Variants in LSM14A observed in about 807,000 individuals in gnomAD.
LSM14A encodes the protein protein LSM14 homolog A.
In LSM14A, 14 loss-of-function variants were observed where a neutral mutation model predicts 52.4. That is an observed-to-expected ratio of 0.27 (90% CI 0.18 to 0.42). The LOEUF (loss-of-function observed/expected upper bound fraction) is 0.42, where lower values mean the gene tolerates loss of function less well. LSM14A is among the 10% of genes least tolerant of loss of function. LSM14A has a pLI of 1.00. For missense variants in LSM14A, 417 were observed against 581.8 expected (o/e 0.72, Z 2.91); for synonymous variants, 185 against 200.3 (o/e 0.92, Z 0.64).
chr19:34,214,251 G>A (rs899423899), intron 4 of LSM14A, among the ~76,000 whole-genome samples: 1 of 151,750 alleles, frequency 6.6e-6, no homozygotes, highest in African/African-American at 2.4e-5. Flanking sequence ...AGCCCCTAAA[G>A]CATTAAAGAA....
chr19:34,205,575 G>A (rs986087856), intron 3 of LSM14A, among the ~76,000 whole-genome samples: 4 of 151,642 alleles, frequency 2.6e-5, no homozygotes. Context: ...CTAACTGCTT[G>A]GGAGGCTGAA....
At position 34,208,952 on chromosome 19, in the gene LSM14A, G is replaced by A. The variant is rs2071919015; in HGVS notation, c.439G>A (p.Gly147Arg). The A allele has an allele frequency of 6.2e-7, 1 of 1,605,990 alleles. No homozygotes were observed. Among genetic ancestry groups the A allele is most frequent in the Non-Finnish European group, 8.5e-7 (1 of 1,175,872 alleles). Residue 147 changes from glycine (G) to arginine (R), a missense_variant, in exon 4 of 10, where the codon GGA (glycine) becomes AGA (arginine). Physicochemically the swap from Gly to Arg is moderately radical, Grantham distance 125. Coordinates refer to ENST00000544216, the MANE Select transcript of LSM14A (RefSeq NM_015578.4). ...GVAGSSLTSF[G>R]TETSNSGTLP... is the part of the protein sequence containing the mutation. ...AGCTGGAAGCTCTTTGACATCCTTT[G>A]GAACAGAAACATCAAACAGTGGTAC...
rs1442325003 is a variant in LSM14A at position 34,194,624 on chromosome 19, G to A, written c.268G>A (p.Asp90Asn). ...PPKPQCSLPQ[D>N]PAIVQSSLGS... ...AAAACCACAGTGTTCTTTGCCTCAA[G>A]ACCCAGCTATTGTTCAGGTAACTGA... is the stretch of plus-strand genomic sequence containing the variant. The change falls in exon 2 of 10, where the codon GAC (aspartate) becomes AAC (asparagine). Residue 90 changes from aspartate to asparagine, a missense_variant. Asp to Asn is a conservative substitution (Grantham distance 23). Coordinates refer to ENST00000544216, the MANE Select transcript of LSM14A (RefSeq NM_015578.4). The A allele has an allele frequency of 6.2e-7, 1 of 1,614,042 alleles. No homozygotes were observed. The highest frequency in any genetic ancestry group is 1.3e-5 in the African/African-American group (1 of 74,922).
At chr19:34,199,525 G>A (rs191935735) in intron 3 of LSM14A, among the ~76,000 whole-genome samples, 390 of 152,246 alleles carry the variant, frequency 2.6e-3, no homozygotes, top group South Asian at 7.5e-3. Flanking sequence ...CCATGGAGAC[G>A]GAAGATATAA....
chr19:34,221,032 A>G (rs1356865957), intron 8 of LSM14A, among the ~76,000 whole-genome samples: 5 of 151,594 alleles, frequency 3.3e-5, no homozygotes, highest in Non-Finnish European at 7.4e-5. Context: ...TTACAGGAAC[A>G]TATTGAACTC....
In LSM14A at chr19:34,219,814, G is replaced by C. The variant is rs2072930304; in HGVS notation, c.1073G>C (p.Gly358Ala). The C allele has an allele frequency of 6.2e-7, 1 of 1,613,638 alleles. No homozygotes were observed. Among genetic ancestry groups the C allele is most frequent in the African/African-American group, 1.3e-5 (1 of 75,026 alleles). Residue 358 changes from glycine (G) to alanine (A), a missense_variant, in exon 8 of 10, where the codon GGA (glycine) becomes GCA (alanine). Physicochemically the swap from Gly to Ala is moderately conservative, Grantham distance 60. Transcript: ENST00000544216. ...AATGCCGATGAAGAAGATCCACTTG[G>C]ACCTAATTGCTATTATGACAAAACT... is the stretch of plus-strand genomic sequence containing the variant. ...EGNADEEDPL[G>A]PNCYYDKTKS...
intron 1 of LSM14A, among the ~76,000 whole-genome samples, chr19:34,190,077 A>G (rs1013533204): frequency 1.3e-5 from 2 of 152,184 alleles, no homozygotes; most frequent in Admixed American, 6.5e-5. Flanking sequence ...TTGTAGTAGA[A>G]TAGTTCCAGT....
intron 1 of LSM14A, among the ~76,000 whole-genome samples, chr19:34,187,578 C>G (rs3119812): frequency 0.49 from 74,443 of 151,986 alleles, 18,974 homozygotes; most frequent in Middle Eastern, 0.58. Context: ...GTGTGAGCCA[C>G]CATGCCCAGC....
At chr19:34,184,832 G>GTT (rs2069767325) in intron 1 of LSM14A, among the ~76,000 whole-genome samples, 1 of 152,148 alleles carries the variant, frequency 6.6e-6, no homozygotes, top group Admixed American at 6.5e-5. Flanking sequence ...GGGCTTTTTT[G>GTT]TTTTTTGTTT....
At chr19:34,176,192 A>G (rs1211611281) in intron 1 of LSM14A, among the ~76,000 whole-genome samples, 1 of 152,128 alleles carries the variant, frequency 6.6e-6, no homozygotes, top group Non-Finnish European at 1.5e-5. Flanking sequence ...TACAGTGTGT[A>G]TTTGGATGTA....
At chr19:34,173,071 T>A (rs1159590399) in intron 1 of LSM14A, among the ~76,000 whole-genome samples, 2 of 152,230 alleles carry the variant, frequency 1.3e-5, no homozygotes, top group African/African-American at 4.8e-5. Context: ...AACTCCGAAA[T>A]TCGGGGCTTC....
chr19:34,178,931 A>G (rs2069275030), intron 1 of LSM14A, among the ~76,000 whole-genome samples: 1 of 152,228 alleles, frequency 6.6e-6, no homozygotes, highest in South Asian at 2.1e-4. Flanking sequence ...TTCAGGGTGT[A>G]GGAAGAAATT....
rs201016490 is a variant in LSM14A, at chr19:34,227,412, A to G, written c.*24A>G. 1.7e-4 allele frequency: 262 copies of G among 1,572,980 alleles called. 1 individual carries two copies. The highest frequency in any genetic ancestry group is 8.2e-4 in the Middle Eastern group (4 of 4,896). The stretch of plus-strand genomic sequence containing the variant: ...AGTCTACAAACAAGTCTCTGAAAAT[A>G]GGTGAATTTCTAGCTCTTCATGGTC... On this transcript the variant is annotated 3_prime_UTR_variant, in exon 10 of 10. Transcript: ENST00000544216.
rs2072692275 is a variant in LSM14A at position 34,217,315 on chromosome 19, G to C, written c.781+1654G>C. On this transcript the variant is annotated intron_variant, in intron 6 of 9. Coordinates refer to ENST00000544216, the MANE Select transcript of LSM14A (RefSeq NM_015578.4). ...CTGTTTTTGAATCAGTTGTTTAAGA[G>C]CTGTAGTTTTCTTTTATGATTATTG... 2.0e-5 allele frequency among the ~76,000 whole-genome samples: 3 copies of C among 150,412 alleles called. 1 individual carries two copies. Among genetic ancestry groups the C allele is most frequent in the South Asian group, 4.2e-4 (2 of 4,802 alleles).
Position 34,181,076 on chromosome 19 carries a change from A to G in LSM14A, c.121+8313A>G, listed in dbSNP as rs571529138. On this transcript the variant is annotated intron_variant, in intron 1 of 9. Coordinates refer to ENST00000544216, the MANE Select transcript of LSM14A (RefSeq NM_015578.4). Reference sequence around the variant, plus strand: ...ACCCAGTTACCTGCATCTGTTCCCCAGACTTCTATGTTTTTTTCTGATCAA... The same window carrying G: ...ACCCAGTTACCTGCATCTGTTCCCCGGACTTCTATGTTTTTTTCTGATCAA... 9.9e-5 allele frequency among the ~76,000 whole-genome samples: 15 copies of G among 152,232 alleles called. No individual in the cohort carries two copies. In the East Asian group the frequency reaches 2.7e-3, roughly 27 times the overall value.
intron 3 of LSM14A, among the ~76,000 whole-genome samples, chr19:34,206,741 C>G (rs1204784166): frequency 6.6e-6 from 1 of 152,054 alleles, no homozygotes; most frequent in East Asian, 1.9e-4. Context: ...TAACCAAGGC[C>G]AAATAACTGA....
At chr19:34,193,923 C>G (rs1320882841) in intron 1 of LSM14A, among the ~76,000 whole-genome samples, 1 of 152,212 alleles carries the variant, frequency 6.6e-6, no homozygotes, top group Admixed American at 6.5e-5. Context: ...TTCATCCCAG[C>G]ACATTGAGAG....
intron 1 of LSM14A, among the ~76,000 whole-genome samples, chr19:34,188,591 T>C (rs2070115460): frequency 6.6e-6 from 1 of 152,170 alleles, no homozygotes; most frequent in African/African-American, 2.4e-5. Flanking sequence ...AAAATACCCC[T>C]AGGCATTAAG....
chr19:34,219,654 T>C (rs957654381), intron 7 of LSM14A, 52 bp from the exon 8 acceptor site: 1 of 1,577,248 alleles, frequency 6.3e-7, no homozygotes, highest in African/African-American at 1.4e-5. Context: ...GGTGTTTTTA[T>C]GTAATTCAGA....
Sources: gnomAD v4.1 joint callset for allele counts (sites outside exome capture counted in the v4.1 genomes callset) on GRCh38, gnomAD v4.1.1 for gene constraint, MANE v1.5 for transcripts, NCBI Gene and HGNC (gene_info 2026-07-23, HGNC 2026-07-21) for gene names.